The following FGF1 variants were observed in gnomAD, a reference collection of about 807,000 sequenced individuals.
The protein encoded by FGF1 is beta-endothelial cell growth factor.
A neutral mutation model predicts 13.4 loss-of-function variants in FGF1; 9 were observed. The observed-to-expected ratio is 0.67, with a 90% CI of 0.40 to 1.17. The LOEUF is 1.17. Among genes scored for constraint, FGF1 ranks in the 50% most tolerant of loss-of-function variants. The pLI is 0.01. For missense variants in FGF1, 156 were observed against 192.7 expected (o/e 0.81, Z 1.13); for synonymous variants, 93 against 79.0 (o/e 1.18, Z -0.94).
intron 1 of FGF1, 97 bp from the exon 2 acceptor site, chr5:142,614,258 C>A: frequency 1.1e-6 from 1 of 942,340 alleles, no homozygotes. Flanking sequence ...ACAGGGTTCC[C>A]GGGTAGTGAG....
chr5:142,603,104 G>A (rs56373408), intron 2 of FGF1, among the ~76,000 whole-genome samples: 4,909 of 152,212 alleles, frequency 0.032, 185 homozygotes, highest in East Asian at 0.12. Flanking sequence ...GAGTGTAGCC[G>A]TGAGGGAACA....
intron 2 of FGF1, chr5:142,601,083 T>C (rs1237986321): frequency 5.1e-6 from 3 of 584,298 alleles, no homozygotes; most frequent in Non-Finnish European, 9.8e-6. Context: ...TGACCCTGAG[T>C]GCACCTTCAC....
At chr5:142,616,311 G>A (rs1002678234) in intron 1 of FGF1, among the ~76,000 whole-genome samples, 16 of 152,102 alleles carry the variant, frequency 1.1e-4, no homozygotes, top group Non-Finnish European at 2.4e-4. Flanking sequence ...ATTGTCCCTG[G>A]TTTCAACTAG....
intron 1 of FGF1, among the ~76,000 whole-genome samples, chr5:142,619,192 C>T (rs1760972095): frequency 6.6e-6 from 1 of 152,094 alleles, no homozygotes; most frequent in Admixed American, 6.5e-5. Context: ...CCTCAGCCTC[C>T]CAAAGTGCTG....
At chr5:142,655,078 A>G (rs1767914562) in intron 1 of FGF1, among the ~76,000 whole-genome samples, 1 of 152,214 alleles carries the variant, frequency 6.6e-6, no homozygotes, top group Non-Finnish European at 1.5e-5. Context: ...ACAGATTACA[A>G]GCATGTTCCC....
chr5:142,687,074 T>C (rs1751364289), upstream of FGF1, among the ~76,000 whole-genome samples: 1 of 151,886 alleles, frequency 6.6e-6, no homozygotes, highest in African/African-American at 2.4e-5. Flanking sequence ...AATTGAAGAG[T>C]CGCTCCTGCT....
intron 1 of FGF1, among the ~76,000 whole-genome samples, chr5:142,675,754 T>C (rs753680191): frequency 1.3e-5 from 2 of 152,238 alleles, no homozygotes; most frequent in African/African-American, 2.4e-5. Flanking sequence ...GCAAAATGGC[T>C]GTGCAATTTA....
chr5:142,604,727 AGT>A (rs907450250), intron 2 of FGF1, among the ~76,000 whole-genome samples: 1 of 152,016 alleles, frequency 6.6e-6, no homozygotes, highest in Non-Finnish European at 1.5e-5. Context: ...GTTTGGTGAG[AGT>A]GTGTTTTATG....
rs1754618975 is a variant in FGF1 at position 142,593,256 on chromosome 5, A to G, written c.*2034T>C. The G allele has an allele frequency of 6.6e-6, 1 of 152,230 alleles. No individual in the cohort carries two copies. Among genetic ancestry groups the G allele is most frequent in the Non-Finnish European group, 1.5e-5 (1 of 68,046 alleles). The allele number at this position is 152,230 out of a possible 1,614,324, so 9.4% of individuals were successfully genotyped here. ...TATCTTTTTCTGGCCAAATCTTCAT[A>G]CTAAAGAGACGTTAAGCCACACTGC... On this transcript the variant is annotated 3_prime_UTR_variant, in exon 4 of 4. Transcript: ENST00000337706.
intron 2 of FGF1, among the ~76,000 whole-genome samples, chr5:142,696,275 T>C (rs1753095116): frequency 1.3e-5 from 2 of 152,184 alleles, no homozygotes; most frequent in South Asian, 4.1e-4. Context: ...TTTGAGTCAA[T>C]CTAGACCATT....
At chr5:142,673,382 G>A (rs1771865760) in intron 1 of FGF1, among the ~76,000 whole-genome samples, 1 of 152,214 alleles carries the variant, frequency 6.6e-6, no homozygotes, top group African/African-American at 2.4e-5. Flanking sequence ...TAAAGAGAGA[G>A]GAGTATTTAC....
chr5:142,601,616 A>AG (rs17217345), intron 2 of FGF1, among the ~76,000 whole-genome samples: 17 of 151,356 alleles, frequency 1.1e-4, no homozygotes, highest in South Asian at 4.2e-4. Flanking sequence ...TGTCACAGCT[A>AG]GGGGGGGCGG....
At chr5:142,689,937 G>A (rs1751897589), upstream of FGF1, among the ~76,000 whole-genome samples, 2 of 149,926 alleles carry the variant, frequency 1.3e-5, no homozygotes, top group African/African-American at 2.4e-5. Flanking sequence ...TCCTGATCTC[G>A]TGATCTGCCC....
Position 142,601,159 on chromosome 5 carries a change from C to T in FGF1, c.170-354G>A, listed in dbSNP as rs767020459. 5 of 507,556 alleles carry T rather than the reference C, an allele frequency of 9.9e-6. No homozygotes were observed. The East Asian group carries it at 2.8e-4, about 28-fold the overall frequency. The allele number at this position is 507,556 out of a possible 1,614,324, so 31.4% of individuals were successfully genotyped here. On this transcript the variant is annotated intron_variant, in intron 2 of 3. Transcript: ENST00000337706. Reference sequence around the variant, plus strand: ...ATCACAGGAGGAAATGGCACTCACTCCCCCGGGCTCCCTCATCCCTGCAAT... The same window carrying T: ...ATCACAGGAGGAAATGGCACTCACTTCCCCGGGCTCCCTCATCCCTGCAAT...
intron 3 of FGF1, among the ~76,000 whole-genome samples, chr5:142,598,763 A>G (rs1755825991): frequency 6.6e-6 from 1 of 152,202 alleles, no homozygotes; most frequent in African/African-American, 2.4e-5. Context: ...GGCGTAATAT[A>G]CTAAGATCAT....
Position 142,592,826 on chromosome 5 carries a change from A to G in FGF1, c.*2464T>C, listed in dbSNP as rs527769323. On this transcript the variant is annotated 3_prime_UTR_variant, in exon 4 of 4. Transcript: ENST00000337706. ...TGCTGGGGTTGCTGATTCTTCCAAA[A>G]TCTGGGTTTCTGGGATTTGCTTTAT... The G allele has an allele frequency of 3.5e-5, 6 of 170,670 alleles. No homozygotes were observed. The highest frequency in any genetic ancestry group is 6.2e-5 in the Non-Finnish European group (5 of 80,752). The allele number at this position is 170,670 out of a possible 1,614,324, so 10.6% of individuals were successfully genotyped here.
intron 2 of FGF1, among the ~76,000 whole-genome samples, chr5:142,696,511 A>G (rs1753133818): frequency 6.6e-6 from 1 of 152,206 alleles, no homozygotes; most frequent in African/African-American, 2.4e-5. Context: ...AGAACTAGAA[A>G]GGGAAGCACC....
At chr5:142,648,015 G>T (rs949635714) in intron 1 of FGF1, among the ~76,000 whole-genome samples, 18 of 152,188 alleles carry the variant, frequency 1.2e-4, no homozygotes, top group African/African-American at 4.1e-4. Flanking sequence ...AACCCAGGAG[G>T]TGGAGGTTGC....
Position 142,592,760 on chromosome 5 carries a change from C to G in FGF1, c.*2530G>C, listed in dbSNP as rs1057118963. On this transcript the variant is annotated 3_prime_UTR_variant, in exon 4 of 4. Coordinates refer to ENST00000337706, the MANE Select transcript of FGF1 (RefSeq NM_000800.5). ...TCTAAAGTTGAAAATGCTAAGTTTA[C>G]CTTGCCATGTCCTCTGACATTTTGA... 1.5e-5 allele frequency: 4 copies of G among 272,808 alleles called. No individual in the cohort carries two copies. Among genetic ancestry groups the G allele is most frequent in the Admixed American group, 1.1e-4 (2 of 18,842 alleles). 16.9% of individuals were successfully genotyped at this position (272,808 alleles called of 1,614,324 possible).
Sources: gnomAD v4.1 joint callset for allele counts (sites outside exome capture counted in the v4.1 genomes callset) on GRCh38, gnomAD v4.1.1 for gene constraint, MANE v1.5 for transcripts, NCBI Gene and HGNC (gene_info 2026-07-23, HGNC 2026-07-21) for gene names.